The following KLHDC1 variants were observed in gnomAD, a reference collection of about 807,000 sequenced individuals.
The protein encoded by KLHDC1 is kelch domain containing 1.
Under a neutral mutation model 68.3 loss-of-function variants are expected in KLHDC1, and 53 were observed. The ratio of observed to expected loss-of-function variants is 0.78; its 90% confidence interval spans 0.62 to 0.98. The LOEUF is 0.98. Ranked by LOEUF, KLHDC1 falls within the 50% of genes least tolerant of loss-of-function variation. The pLI is 0.00. For missense variants in KLHDC1, 470 were observed against 492.3 expected (o/e 0.95, Z 0.43); for synonymous variants, 148 against 159.0 (o/e 0.93, Z 0.52).
At position 49,705,365 on chromosome 14, in the gene KLHDC1, C is replaced by CT. The variant is rs59444333; in HGVS notation, c.97-3773dup. 6.4e-4 allele frequency among the ~76,000 whole-genome samples: 46 copies of CT among 71,664 alleles called. 5 individuals carry two copies. The highest frequency in any genetic ancestry group is 4.3e-3 in the South Asian group (7 of 1,628). The allele number at this position is 71,664 out of a possible 152,430, so 47.0% of individuals were successfully genotyped here. ...TCACTTTCATAATATTTCTTTCTTTCTTTTTTTTTTTTTTTTTTTTTGAGA... is the reference window on the plus strand; with the variant it reads ...TCACTTTCATAATATTTCTTTCTTTCTTTTTTTTTTTTTTTTTTTTTTGAGA... On this transcript the variant is annotated intron_variant, in intron 1 of 12. Coordinates refer to ENST00000359332, the MANE Select transcript of KLHDC1 (RefSeq NM_172193.3).
In KLHDC1 at chr14:49,743,735, C is replaced by G. The variant is rs754036393; in HGVS notation, c.982-18C>G. 7.8e-6 allele frequency: 12 copies of G among 1,533,974 alleles called. No homozygotes were observed. The highest frequency in any genetic ancestry group is 1.8e-5 in the Admixed American group (1 of 55,154). ...ATTTTTATCAAAAACTTAATAATGC[C>G]TTTTTTGTGTTGATTAGGGTCACTG... is the stretch of plus-strand genomic sequence containing the variant. On this transcript the variant is annotated intron_variant, in intron 11 of 12. Coordinates refer to ENST00000359332, the MANE Select transcript of KLHDC1 (RefSeq NM_172193.3).
At chr14:49,694,744 C>T (rs1210639054) in intron 1 of KLHDC1, among the ~76,000 whole-genome samples, 1 of 152,048 alleles carries the variant, frequency 6.6e-6, no homozygotes, top group Non-Finnish European at 1.5e-5. Flanking sequence ...ATCCCAGCTA[C>T]TCGGGAGGCT....
At chr14:49,718,608 C>T (rs1888438667) in intron 4 of KLHDC1, among the ~76,000 whole-genome samples, 1 of 151,936 alleles carries the variant, frequency 6.6e-6, no homozygotes, top group African/African-American at 2.4e-5. Context: ...CCTTTTTATT[C>T]TGTAGTATCA....
intron 1 of KLHDC1, among the ~76,000 whole-genome samples, chr14:49,696,006 C>T (rs1231051047): frequency 4.7e-5 from 7 of 149,178 alleles, no homozygotes; most frequent in Non-Finnish European, 1.5e-5. Flanking sequence ...GCGGAGCTTG[C>T]AGTGAGCAGA....
chr14:49,736,294 T>C (rs1464898047), intron 10 of KLHDC1, among the ~76,000 whole-genome samples: 2 of 152,180 alleles, frequency 1.3e-5, no homozygotes, highest in Non-Finnish European at 2.9e-5. Context: ...GTAAATAATA[T>C]GCTTTATTAG....
chr14:49,751,938 A>T lies in KLHDC1; in HGVS notation c.*166A>T. On this transcript the variant is annotated 3_prime_UTR_variant, in exon 13 of 13. Coordinates refer to ENST00000359332, the MANE Select transcript of KLHDC1 (RefSeq NM_172193.3). The stretch of plus-strand genomic sequence containing the variant: ...ATGGGATATATGGAAAAAAGATATT[A>T]ATGCAGATTAATTTATATTTGTAAA... The T allele has an allele frequency of 2.7e-6, 1 of 366,906 alleles. No individual in the cohort carries two copies. Among genetic ancestry groups the T allele is most frequent in the Non-Finnish European group, 5.0e-6 (1 of 200,694 alleles). The allele number at this position is 366,906 out of a possible 1,614,324, so 22.7% of individuals were successfully genotyped here.
chr14:49,700,030 CTTT>C (rs544505001), intron 1 of KLHDC1: 2,437 of 305,822 alleles, frequency 8.0e-3, no homozygotes, highest in South Asian at 0.011. Flanking sequence ...TGCTGTGAAC[CTTT>C]TTTTTTTTTT....
At chr14:49,725,639 G>T (rs1320474109) in intron 5 of KLHDC1, 47 bp from the exon 6 acceptor site, 1 of 726,410 alleles carries the variant, frequency 1.4e-6, no homozygotes. Flanking sequence ...TAATAATAAT[G>T]TAAAAATTAT....
intron 8 of KLHDC1, among the ~76,000 whole-genome samples, chr14:49,732,471 T>C (rs907224421): frequency 1.3e-5 from 2 of 152,078 alleles, no homozygotes; most frequent in Non-Finnish European, 2.9e-5. Flanking sequence ...CCGCGTCGGC[T>C]GAGAATTGAC....
At chr14:49,708,341 T>A (rs1005957275) in intron 1 of KLHDC1, 1 of 152,216 alleles carries the variant, frequency 6.6e-6, no homozygotes, top group African/African-American at 2.4e-5. Flanking sequence ...CCCAAAGTGC[T>A]GGAATTGTAC....
chr14:49,701,449 T>A (rs1238620904), intron 1 of KLHDC1, among the ~76,000 whole-genome samples: 2 of 151,704 alleles, frequency 1.3e-5, no homozygotes, highest in African/African-American at 4.8e-5. Context: ...CAACTGACAT[T>A]GGGAGTTCGA....
chr14:49,696,032 C>T (rs1270730373), intron 1 of KLHDC1, among the ~76,000 whole-genome samples: 1 of 150,922 alleles, frequency 6.6e-6, no homozygotes, highest in Non-Finnish European at 1.5e-5. Context: ...CACCACTGCC[C>T]TCCAGCCTGG....
intron 1 of KLHDC1, among the ~76,000 whole-genome samples, chr14:49,696,943 T>TC (rs1249683000): frequency 6.6e-6 from 1 of 151,996 alleles, no homozygotes; most frequent in East Asian, 1.9e-4. Context: ...ACTTTCTTTT[T>TC]TTTTTTTTTT....
intron 3 of KLHDC1, 62 bp downstream of exon 3, chr14:49,709,888 C>G: frequency 1.3e-6 from 1 of 765,854 alleles, no homozygotes; most frequent in Non-Finnish European, 2.1e-6. Flanking sequence ...CATTTCATCT[C>G]ACAAGTTACA....
At chr14:49,747,579 A>G (rs1397223177) in intron 12 of KLHDC1, among the ~76,000 whole-genome samples, 1 of 152,192 alleles carries the variant, frequency 6.6e-6, no homozygotes, top group Admixed American at 6.5e-5. Context: ...GTATGGATAT[A>G]TAGATAGAAA....
chr14:49,705,361 C>CTTTTTTTTTTT (rs1334189965), intron 1 of KLHDC1, among the ~76,000 whole-genome samples: 11 of 35,304 alleles, frequency 3.1e-4, no homozygotes, highest in African/African-American at 7.4e-4. Flanking sequence ...ATATTTCTTT[C>CTTTTTTTTTTT]TTTCTTTTTT....
chr14:49,711,510 T>C (rs1462216134), intron 4 of KLHDC1, among the ~76,000 whole-genome samples: 5 of 151,856 alleles, frequency 3.3e-5, no homozygotes, highest in Non-Finnish European at 7.4e-5. Flanking sequence ...GCCCTAATTT[T>C]TGTATTTTTA....
At chr14:49,698,853 A>G (rs747465538) in intron 1 of KLHDC1, among the ~76,000 whole-genome samples, 10 of 151,752 alleles carry the variant, frequency 6.6e-5, no homozygotes, top group Non-Finnish European at 1.3e-4. Flanking sequence ...TTTATTCTTG[A>G]AAATTGTGTA....
At chr14:49,724,600 A>G (rs773771480) in intron 5 of KLHDC1, among the ~76,000 whole-genome samples, 2 of 151,968 alleles carry the variant, frequency 1.3e-5, no homozygotes, top group African/African-American at 4.8e-5. Flanking sequence ...TGCTTTGTAT[A>G]TGGGTATTAT....
Sources: gnomAD v4.1 joint callset for allele counts (sites outside exome capture counted in the v4.1 genomes callset) on GRCh38, gnomAD v4.1.1 for gene constraint, MANE v1.5 for transcripts, NCBI Gene and HGNC (gene_info 2026-07-23, HGNC 2026-07-21) for gene names.